LAMA2: variants seen among roughly 807,000 people sequenced by gnomAD.
LAMA2 encodes the protein laminin subunit alpha 2.
LAMA2 carries 269 observed loss-of-function variants against 364.8 expected under a neutral mutation model. That is an observed-to-expected ratio of 0.74 (90% CI 0.67 to 0.82). LAMA2 has a LOEUF of 0.82. Ranked by LOEUF, LAMA2 falls within the 40% of genes least tolerant of loss-of-function variation. The probability of loss-of-function intolerance (pLI) is 0.00; values close to 1 mark genes in which losing one functional copy is unlikely to be tolerated. For synonymous variants in LAMA2, 1,379 were observed against 1,370.6 expected (o/e 1.01, Z -0.14); for missense variants, 3,807 against 3,873.2 (o/e 0.98, Z 0.45).
chr6:129,316,488 T>G (rs1308874349), intron 27 of LAMA2, among the ~76,000 whole-genome samples: 1 of 152,192 alleles, frequency 6.6e-6, no homozygotes, highest in Non-Finnish European at 1.5e-5. Context: ...GTGGTATAAA[T>G]GGATTATAAA....
Position 129,391,673 on chromosome 6 carries a change from T to G in LAMA2, c.5234+20T>G. 1 of 1,605,388 alleles carries G rather than the reference T, an allele frequency of 6.2e-7. No homozygotes were observed. The highest frequency in any genetic ancestry group is 1.1e-5 in the South Asian group (1 of 90,470). On this transcript the variant is annotated intron_variant, in intron 36 of 64. Coordinates refer to ENST00000421865, the MANE Select transcript of LAMA2 (RefSeq NM_000426.4). ...GTTGGTGTGAGTAGATGAGTTATTATTTTTTCTTTTGACAAACTGAGATTT... is the reference window on the plus strand; with the variant it reads ...GTTGGTGTGAGTAGATGAGTTATTAGTTTTTCTTTTGACAAACTGAGATTT...
At chr6:129,159,756 A>G (rs938895572) in intron 8 of LAMA2, among the ~76,000 whole-genome samples, 2 of 152,198 alleles carry the variant, frequency 1.3e-5, no homozygotes, top group African/African-American at 2.4e-5. Flanking sequence ...GACACCCTTT[A>G]TCAGATTCAG....
intron 1 of LAMA2, among the ~76,000 whole-genome samples, chr6:129,025,732 C>T (rs9375609): frequency 0.57 from 86,066 of 152,058 alleles, 28,670 homozygotes; most frequent in East Asian, 0.96. Flanking sequence ...GCTCTGTGGT[C>T]TGGGTGGATG....
chr6:129,438,731 C>G lies in LAMA2; in HGVS notation c.6054C>G (p.Asp2018Glu). ...RNGDLLRTLN[D>E]TLGKLSAIPN... ...GGGATCTCTTGAGAACTTTGAATGA[C>G]ACTTTGGGAAAGTTATCAGCTATTC... Residue 2018 changes from aspartate (D) to glutamate (E), a missense_variant, in exon 42 of 65, where the codon GAC (aspartate) becomes GAG (glutamate). Around this residue, in one of 3 missense-constraint regions of LAMA2, gnomAD observed 3,333 missense variants for 3,345.7 expected, o/e 1.00. Coordinates refer to ENST00000421865, the MANE Select transcript of LAMA2 (RefSeq NM_000426.4). 6.2e-7 allele frequency: 1 copy of G among 1,601,024 alleles called. No homozygotes were observed. Among genetic ancestry groups the G allele is most frequent in the Non-Finnish European group, 8.6e-7 (1 of 1,168,494 alleles).
chr6:129,326,119 C>A (rs1406649211), intron 28 of LAMA2, among the ~76,000 whole-genome samples: 1 of 152,186 alleles, frequency 6.6e-6, no homozygotes, highest in Non-Finnish European at 1.5e-5. Context: ...GGATTACAGG[C>A]GTGAGCCACC....
At chr6:129,112,032 T>G (rs1776191238) in intron 4 of LAMA2, among the ~76,000 whole-genome samples, 1 of 151,956 alleles carries the variant, frequency 6.6e-6, no homozygotes, top group African/African-American at 2.4e-5. Context: ...TATTGTATAA[T>G]CACATGTGTA....
intron 45 of LAMA2, among the ~76,000 whole-genome samples, chr6:129,451,130 C>A (rs987859952): frequency 1.3e-5 from 2 of 152,180 alleles, no homozygotes; most frequent in African/African-American, 4.8e-5. Context: ...ACAGAACACC[C>A]TTTGCCAAGT....
intron 1 of LAMA2, among the ~76,000 whole-genome samples, chr6:129,016,308 T>C (rs1785070379): frequency 6.6e-6 from 1 of 152,042 alleles, no homozygotes; most frequent in Non-Finnish European, 1.5e-5. Flanking sequence ...GTGCCTACTC[T>C]ATGATGTTGC....
At chr6:129,437,371 A>G (rs1026319240) in intron 41 of LAMA2, among the ~76,000 whole-genome samples, 1 of 152,102 alleles carries the variant, frequency 6.6e-6, no homozygotes, top group African/African-American at 2.4e-5. Context: ...CTGAAACTGA[A>G]GAACACTAAA....
chr6:129,174,517 T>C (rs1780442151), intron 9 of LAMA2, among the ~76,000 whole-genome samples: 1 of 151,522 alleles, frequency 6.6e-6, no homozygotes, highest in African/African-American at 2.4e-5. Flanking sequence ...ATGTGTGTGT[T>C]TTGTGGATGT....
chr6:129,415,026 T>C (rs978241547), intron 40 of LAMA2, among the ~76,000 whole-genome samples: 6 of 152,218 alleles, frequency 3.9e-5, no homozygotes, highest in African/African-American at 1.4e-4. Flanking sequence ...TACATTACTG[T>C]GCTTAGATTC....
intron 1 of LAMA2, among the ~76,000 whole-genome samples, chr6:128,912,321 G>A (rs1286235034): frequency 7.1e-6 from 1 of 140,146 alleles, no homozygotes; most frequent in Non-Finnish European, 1.5e-5. Context: ...ATACCGTAAT[G>A]GATATTTTTT....
chr6:128,883,786 TTATATATATA>T (rs142294175), intron 1 of LAMA2, among the ~76,000 whole-genome samples: 187 of 133,850 alleles, frequency 1.4e-3, no homozygotes, highest in African/African-American at 4.7e-3. Flanking sequence ...CAAAAAAAAA[TTATATATATA>T]TATATACACA....
At chr6:129,145,699 A>G (rs1000066940) in intron 5 of LAMA2, among the ~76,000 whole-genome samples, 2 of 151,998 alleles carry the variant, frequency 1.3e-5, no homozygotes, top group African/African-American at 2.4e-5. Flanking sequence ...ATAATGCAGT[A>G]TAAGTCAACA....
chr6:129,225,274 CA>C (rs1784171097), intron 12 of LAMA2, among the ~76,000 whole-genome samples: 1 of 152,044 alleles, frequency 6.6e-6, no homozygotes, highest in South Asian at 2.1e-4. Flanking sequence ...TTGATCTTTT[CA>C]AAAAATCATC....
intron 2 of LAMA2, among the ~76,000 whole-genome samples, chr6:129,055,689 G>A (rs549577371): frequency 2.4e-4 from 37 of 152,270 alleles, no homozygotes; most frequent in African/African-American, 8.7e-4. Flanking sequence ...AATATGGAAG[G>A]TCCGCAGTTA....
intron 1 of LAMA2, among the ~76,000 whole-genome samples, chr6:129,020,979 C>T (rs936473279): frequency 2.6e-5 from 4 of 152,154 alleles, no homozygotes; most frequent in African/African-American, 9.7e-5. Flanking sequence ...GTTTGCATTA[C>T]TTTTGTCAGA....
intron 1 of LAMA2, among the ~76,000 whole-genome samples, chr6:128,997,828 T>C (rs937143623): frequency 2.6e-5 from 4 of 152,040 alleles, no homozygotes; most frequent in African/African-American, 9.7e-5. Context: ...TGTAATGAGA[T>C]GAGAAGTTCA....
intron 43 of LAMA2, 77 bp downstream of exon 43, chr6:129,441,075 C>T (rs1017778181): frequency 1.4e-5 from 18 of 1,307,936 alleles, no homozygotes; most frequent in African/African-American, 1.2e-4. Flanking sequence ...TGTAAATGCT[C>T]GAGTTGGAAA....
Sources: gnomAD v4.1 joint callset for allele counts (sites outside exome capture counted in the v4.1 genomes callset) on GRCh38, gnomAD v4.1.1 for gene constraint, gnomAD v4.1.1 regional missense constraint, MANE v1.5 for transcripts, NCBI Gene and HGNC (gene_info 2026-07-23, HGNC 2026-07-21) for gene names.